Variants in NF1 observed in about 807,000 individuals in gnomAD.
The protein encoded by NF1 is neurofibromin.
A neutral mutation model predicts 325.7 loss-of-function variants in NF1; 122 were observed. The observed-to-expected ratio is 0.37, with a 90% CI of 0.32 to 0.44. NF1 has a LOEUF of 0.44. Ranked by LOEUF, NF1 falls within the 20% of genes least tolerant of loss-of-function variation. The pLI, the probability that NF1 is intolerant of heterozygous loss-of-function variation, is 1.00. For missense variants in NF1, 2,140 were observed against 3,415.4 expected (o/e 0.63, Z 9.31); for synonymous variants, 1,091 against 1,186.0 (o/e 0.92, Z 1.65).
At chr17:31,348,781 G>T (rs904746192) in intron 48 of NF1, among the ~76,000 whole-genome samples, 3 of 151,714 alleles carry the variant, frequency 2.0e-5, no homozygotes, top group African/African-American at 7.2e-5. Context: ...ATCTTAAGGA[G>T]AATTATAATA....
chr17:31,327,397 G>A (rs2069372085), intron 37 of NF1, 102 bp from the exon 38 acceptor site: 2 of 787,930 alleles, frequency 2.5e-6, no homozygotes, highest in Non-Finnish European at 2.2e-6. Flanking sequence ...TCCTTAAATG[G>A]CATAGTGTTT....
intron 12 of NF1, among the ~76,000 whole-genome samples, chr17:31,208,249 G>A (rs553991904): frequency 6.6e-6 from 1 of 152,130 alleles, no homozygotes; most frequent in South Asian, 2.1e-4. Flanking sequence ...TCATTCCTAA[G>A]CTGTTTATGT....
intron 15 of NF1, chr17:31,222,910 A>C (rs2066951435): frequency 6.3e-6 from 1 of 158,648 alleles, no homozygotes; most frequent in African/African-American, 2.4e-5. Flanking sequence ...CTAAAAGGCC[A>C]GATAGTAAAT....
At chr17:31,282,939 T>G (rs972307812) in intron 36 of NF1, among the ~76,000 whole-genome samples, 1 of 152,224 alleles carries the variant, frequency 6.6e-6, no homozygotes, top group Admixed American at 6.5e-5. Context: ...ATTGTCTGTC[T>G]TTCTAGACAA....
intron 1 of NF1, among the ~76,000 whole-genome samples, chr17:31,117,028 C>G (rs1005070996): frequency 5.9e-5 from 9 of 151,988 alleles, no homozygotes; most frequent in Non-Finnish European, 1.0e-4. Flanking sequence ...ATTGCCCAGG[C>G]TGGAGTGCAG....
At chr17:31,175,689 C>G (rs1446561661) in intron 5 of NF1, among the ~76,000 whole-genome samples, 1 of 152,064 alleles carries the variant, frequency 6.6e-6, no homozygotes, top group Non-Finnish European at 1.5e-5. Flanking sequence ...CCCCCACCCC[C>G]CGACAGGCAC....
chr17:31,232,589 G>T, intron 25 of NF1, 111 bp from the exon 26 acceptor site: 1 of 1,043,954 alleles, frequency 9.6e-7, no homozygotes, highest in South Asian at 1.3e-5. Context: ...GAGAGAAACA[G>T]TTAACCCAGG....
At chr17:31,353,389 T>C (rs1009641511) in intron 51 of NF1, among the ~76,000 whole-genome samples, 3 of 152,204 alleles carry the variant, frequency 2.0e-5, no homozygotes, top group Non-Finnish European at 4.4e-5. Flanking sequence ...CCCAGCACTT[T>C]GAGGGACTCA....
At chr17:31,199,872 A>C (rs1414513270) in intron 8 of NF1, among the ~76,000 whole-genome samples, 1 of 152,224 alleles carries the variant, frequency 6.6e-6, no homozygotes, top group East Asian at 1.9e-4. Flanking sequence ...GTGGTGGCTC[A>C]TGCCTGTAAT....
rs1912890143 is a variant in NF1, at chr17:31,106,629, A to C, written c.60+11260A>C. 3.9e-5 allele frequency among the ~76,000 whole-genome samples: 6 copies of C among 152,180 alleles called. No homozygotes were observed. In the South Asian group the frequency reaches 1.2e-3, roughly 32 times the overall value. The stretch of plus-strand genomic sequence containing the variant: ...ATGGTATATTATGTTTTTCCTTTTA[A>C]GTTCATGTTAGAGTATCTGAATCTT... On this transcript the variant is annotated intron_variant, in intron 1 of 57. Coordinates refer to ENST00000358273, the MANE Select transcript of NF1 (RefSeq NM_001042492.3).
At chr17:31,316,718 G>A (rs144240294) in intron 36 of NF1, among the ~76,000 whole-genome samples, 83 of 152,106 alleles carry the variant, frequency 5.5e-4, no homozygotes, top group African/African-American at 1.8e-3. Flanking sequence ...CACCATGACT[G>A]GCATGAATAT....
intron 36 of NF1, chr17:31,295,528 G>T (rs2068445330): frequency 3.7e-6 from 6 of 1,614,026 alleles, no homozygotes; most frequent in Non-Finnish European, 5.1e-6. Context: ...CAGAAGGTGT[G>T]GGATACATGT....
chr17:31,154,578 G>A (rs914180475), intron 1 of NF1, among the ~76,000 whole-genome samples: 3 of 152,016 alleles, frequency 2.0e-5, no homozygotes, highest in Admixed American at 6.6e-5. Context: ...AAGGTTATCT[G>A]TGCTCGTAAA....
At chr17:31,322,766 A>G (rs1219344393) in intron 36 of NF1, among the ~76,000 whole-genome samples, 2 of 152,318 alleles carry the variant, frequency 1.3e-5, no homozygotes, top group East Asian at 3.9e-4. Flanking sequence ...TTCTAATATC[A>G]GAGGCTTAGT....
At chr17:31,342,782 G>A (rs946798843) in intron 47 of NF1, among the ~76,000 whole-genome samples, 8 of 152,240 alleles carry the variant, frequency 5.3e-5, no homozygotes, top group Admixed American at 6.5e-5. Context: ...GTAAATAAAA[G>A]TGATTTCATC....
chr17:31,187,963 CAGTCTACTACTCCAT>C (rs2066272979), intron 8 of NF1, among the ~76,000 whole-genome samples: 1 of 152,216 alleles, frequency 6.6e-6, no homozygotes, highest in Non-Finnish European at 1.5e-5. Context: ...AAGATGAAAT[CAGTCTACTACTCCAT>C]AGCGGAGGTA....
intron 51 of NF1, chr17:31,355,937 A>G (rs932062260): frequency 6.4e-6 from 1 of 155,972 alleles, no homozygotes; most frequent in Non-Finnish European, 1.4e-5. Context: ...TTTTTGAAGC[A>G]TCTCCCAGTG....
intron 1 of NF1, among the ~76,000 whole-genome samples, chr17:31,139,265 C>G (rs1368839100): frequency 6.6e-6 from 1 of 151,980 alleles, no homozygotes; most frequent in African/African-American, 2.4e-5. Context: ...CCAGGCTGGT[C>G]TGAAACTCCT....
chr17:31,140,273 T>G (rs1916121108), intron 1 of NF1, among the ~76,000 whole-genome samples: 1 of 151,980 alleles, frequency 6.6e-6, no homozygotes, highest in African/African-American at 2.4e-5. Context: ...ATAAGGAAAG[T>G]GGTGGGAGAA....
Sources: gnomAD v4.1 joint callset for allele counts (sites outside exome capture counted in the v4.1 genomes callset) on GRCh38, gnomAD v4.1.1 for gene constraint, MANE v1.5 for transcripts, NCBI Gene and HGNC (gene_info 2026-07-23, HGNC 2026-07-21) for gene names.